CDK14: variants seen among roughly 807,000 people sequenced by gnomAD.
The protein encoded by CDK14 is cyclin dependent kinase 14.
Under a neutral mutation model 60.7 loss-of-function variants are expected in CDK14, and 34 were observed. The ratio of observed to expected loss-of-function variants is 0.56; its 90% confidence interval spans 0.43 to 0.75. CDK14 has a LOEUF of 0.75. Among genes scored for constraint, CDK14 ranks in the 30% least tolerant of loss-of-function variants. The probability of loss-of-function intolerance (pLI) is 0.00; values close to 1 mark genes in which losing one functional copy is unlikely to be tolerated. For synonymous variants in CDK14, 197 were observed against 203.7 expected, an observed-to-expected ratio of 0.97 and a Z score of 0.28; for missense variants, 482 against 564.1, an observed-to-expected ratio of 0.85 and a Z score of 1.47.
At position 90,898,705 on chromosome 7, in the gene CDK14, T is replaced by C. The variant is rs896020103; in HGVS notation, c.640-586T>C. On this transcript the variant is annotated intron_variant, in intron 6 of 14. Coordinates refer to ENST00000380050, the MANE Select transcript of CDK14 (RefSeq NM_001287135.2). ...CAGCATGAGATGTTGAATATTCGTT[T>C]AAACATATCTGGATATATTTATCTT... Among the ~76,000 whole-genome samples, 8 of 152,222 alleles carry C rather than the reference T, an allele frequency of 5.3e-5. No homozygotes were observed. The South Asian group carries it at 1.5e-3, about 28-fold the overall frequency.
chr7:91,135,985 G>C (rs560212843), intron 14 of CDK14, among the ~76,000 whole-genome samples: 1 of 152,166 alleles, frequency 6.6e-6, no homozygotes, highest in Non-Finnish European at 1.5e-5. Flanking sequence ...GCTCAGAAGA[G>C]ACCTTTGTGT....
At chr7:90,726,855 A>G (rs2116711981) in intron 3 of CDK14, 43 bp downstream of exon 3, 1 of 1,603,784 alleles carries the variant, frequency 6.2e-7, no homozygotes, top group Non-Finnish European at 8.5e-7. Flanking sequence ...AACAGAAGGA[A>G]TAGCCTTCTT....
At chr7:91,010,631 GT>G (rs943456049) in intron 10 of CDK14, among the ~76,000 whole-genome samples, 1 of 151,628 alleles carries the variant, frequency 6.6e-6, no homozygotes, top group South Asian at 2.1e-4. Flanking sequence ...TATTCTAGTT[GT>G]TTTTTTGGTA....
intron 10 of CDK14, among the ~76,000 whole-genome samples, chr7:91,000,665 A>C (rs1795812511): frequency 1.3e-5 from 2 of 152,218 alleles, no homozygotes; most frequent in South Asian, 4.1e-4. Flanking sequence ...ATGTAGGACA[A>C]GTTTTAGAAA....
intron 10 of CDK14, among the ~76,000 whole-genome samples, chr7:90,991,937 A>G (rs1340504279): frequency 6.6e-6 from 1 of 152,204 alleles, no homozygotes; most frequent in Non-Finnish European, 1.5e-5. Context: ...CCCTGGACTA[A>G]TAACATCTTA....
intron 10 of CDK14, among the ~76,000 whole-genome samples, chr7:91,027,498 T>G (rs1437255857): frequency 1.3e-5 from 2 of 152,132 alleles, no homozygotes; most frequent in Non-Finnish European, 2.9e-5. Context: ...TAATTTTAGA[T>G]TATGCATACC....
At chr7:90,963,950 G>A (rs545386375) in intron 9 of CDK14, among the ~76,000 whole-genome samples, 2 of 152,078 alleles carry the variant, frequency 1.3e-5, no homozygotes, top group Admixed American at 6.5e-5. Flanking sequence ...TCCTGACCTC[G>A]AGATCCACCT....
At chr7:91,045,437 G>C (rs3808298) in intron 10 of CDK14, among the ~76,000 whole-genome samples, 1 of 152,270 alleles carries the variant, frequency 6.6e-6, no homozygotes, top group South Asian at 2.1e-4. Context: ...CTAAGCTGTC[G>C]ACCCTGCCTC....
At chr7:90,641,594 A>C (rs760337957) in intron 2 of CDK14, among the ~76,000 whole-genome samples, 69 of 151,792 alleles carry the variant, frequency 4.5e-4, no homozygotes, top group Non-Finnish European at 8.2e-4. Context: ...GACAGAAAGT[A>C]GATTAATGGT....
intron 14 of CDK14, among the ~76,000 whole-genome samples, chr7:91,133,741 T>C (rs189506672): frequency 3.2e-4 from 49 of 152,290 alleles, no homozygotes; most frequent in Non-Finnish European, 2.5e-4. Flanking sequence ...TACATTTTTA[T>C]AGCCATATTA....
chr7:90,788,167 T>C (rs1230302039), intron 4 of CDK14, among the ~76,000 whole-genome samples: 2 of 152,134 alleles, frequency 1.3e-5, no homozygotes, highest in Non-Finnish European at 2.9e-5. Flanking sequence ...GTGTGTGTTT[T>C]ATGGGTGAGG....
At chr7:90,799,825 G>T (rs1239301817) in intron 5 of CDK14, among the ~76,000 whole-genome samples, 1 of 147,276 alleles carries the variant, frequency 6.8e-6, no homozygotes, top group Non-Finnish European at 1.5e-5. Context: ...CATACAGAGG[G>T]TTGTGTTATT....
At chr7:91,072,554 T>C (rs1394506985) in intron 11 of CDK14, among the ~76,000 whole-genome samples, 1 of 151,930 alleles carries the variant, frequency 6.6e-6, no homozygotes, top group Non-Finnish European at 1.5e-5. Context: ...CTAGACAAAC[T>C]CATGAAGATG....
intron 11 of CDK14, among the ~76,000 whole-genome samples, chr7:91,046,494 T>G (rs1234864910): frequency 6.6e-6 from 1 of 152,180 alleles, no homozygotes; most frequent in African/African-American, 2.4e-5. Context: ...CTGAAAGAAA[T>G]GTGAACTTTT....
intron 2 of CDK14, among the ~76,000 whole-genome samples, chr7:90,695,084 G>A (rs1409498386): frequency 2.6e-5 from 4 of 152,098 alleles, no homozygotes; most frequent in Non-Finnish European, 5.9e-5. Flanking sequence ...CAACTCAGGC[G>A]GGCACACAGG....
chr7:90,797,821 T>C lies in CDK14; in HGVS notation c.544+7169T>C, dbSNP rs537932321. 1.8e-4 allele frequency among the ~76,000 whole-genome samples: 28 copies of C among 152,004 alleles called. No individual in the cohort carries two copies. The South Asian group carries it at 5.8e-3, about 32-fold the overall frequency. ...TTCATGACAGCTCACTGACTCACTA[T>C]TGATATGACAACACGAAGGGGGATG... On this transcript the variant is annotated intron_variant, in intron 5 of 14. Transcript: ENST00000380050.
chr7:90,735,741 T>C (rs961372959), intron 3 of CDK14, among the ~76,000 whole-genome samples: 7 of 152,192 alleles, frequency 4.6e-5, no homozygotes, highest in African/African-American at 1.7e-4. Flanking sequence ...TTCAAGCCAG[T>C]GGATCTTAGC....
intron 5 of CDK14, among the ~76,000 whole-genome samples, chr7:90,843,256 TA>T (rs1400751546): frequency 6.6e-6 from 1 of 152,102 alleles, no homozygotes; most frequent in Admixed American, 6.5e-5. Context: ...CCTTTTTCCT[TA>T]AAAAAATTCA....
chr7:90,880,326 A>G (rs891248087), intron 6 of CDK14, among the ~76,000 whole-genome samples: 3 of 152,328 alleles, frequency 2.0e-5, no homozygotes, highest in African/African-American at 7.2e-5. Context: ...GTCTGTGGCC[A>G]TAGTGCTTCT....
Sources: allele counts gnomAD v4.1 joint callset (sites outside exome capture counted in the v4.1 genomes callset), GRCh38; gene constraint gnomAD v4.1.1; transcripts MANE v1.5; gene names NCBI Gene and HGNC (gene_info 2026-07-23, HGNC 2026-07-21).